Variants in MECOM observed in about 807,000 individuals in gnomAD.
MECOM encodes MDS1 and EVI1 complex locus, also known as histone-lysine N-methyltransferase MECOM.
Under a neutral mutation model 116.3 loss-of-function variants are expected in MECOM, and 13 were observed. The ratio of observed to expected loss-of-function variants is 0.11; its 90% CI spans 0.07 to 0.18. The LOEUF (loss-of-function observed/expected upper bound fraction) is 0.18, where lower values mean the gene tolerates loss of function less well. Ranked by LOEUF, MECOM falls within the 10% of genes least tolerant of loss-of-function variation. The pLI is 1.00. For missense variants in MECOM, 1,299 were observed against 1,509.0 expected, an observed-to-expected ratio of 0.86 and a Z score of 2.31; for synonymous variants, 528 against 535.2, an observed-to-expected ratio of 0.99 and a Z score of 0.19.
chr3:169,510,229 TGG>T (rs1755802710), intron 1 of MECOM, among the ~76,000 whole-genome samples: 1 of 152,106 alleles, frequency 6.6e-6, no homozygotes. Flanking sequence ...ACTCTGTGAT[TGG>T]GATGTGAAGG....
intron 1 of MECOM, among the ~76,000 whole-genome samples, chr3:169,632,491 T>TA (rs991515339): frequency 3.9e-5 from 6 of 152,158 alleles, no homozygotes; most frequent in African/African-American, 1.4e-4. Context: ...CATCTTGAAT[T>TA]AAAAAATAAT....
intron 2 of MECOM, among the ~76,000 whole-genome samples, chr3:169,220,663 C>T (rs904422284): frequency 5.3e-5 from 8 of 151,934 alleles, no homozygotes; most frequent in Non-Finnish European, 8.8e-5. Flanking sequence ...TTAGTAGAGA[C>T]GGGATTTCTC....
chr3:169,427,004 G>A (rs1740823701), intron 1 of MECOM, among the ~76,000 whole-genome samples: 1 of 152,016 alleles, frequency 6.6e-6, no homozygotes, highest in Admixed American at 6.6e-5. Flanking sequence ...TCTACATTCA[G>A]AGCCTATATT....
chr3:169,409,509 C>G (rs553801525), intron 1 of MECOM, among the ~76,000 whole-genome samples: 1 of 152,162 alleles, frequency 6.6e-6, no homozygotes, highest in African/African-American at 2.4e-5. Flanking sequence ...AGCCCCAAAC[C>G]ACAGGTGAGT....
At chr3:169,433,546 AAAAG>A (rs201533927) in intron 1 of MECOM, among the ~76,000 whole-genome samples, 3,418 of 150,070 alleles carry the variant, frequency 0.023, 137 homozygotes, top group African/African-American at 0.081. Context: ...TGAAAGAAAG[AAAAG>A]AAAGAAAGAG....
Position 169,391,690 on chromosome 3 carries a change from GA to G in MECOM, c.38-10167del, listed in dbSNP as rs534204246. 2.5e-3 allele frequency among the ~76,000 whole-genome samples: 380 copies of G among 152,238 alleles called. 4 individuals are homozygous for G. The highest frequency in any genetic ancestry group is 8.8e-3 in the African/African-American group (366 of 41,536). On this transcript the variant is annotated intron_variant, in intron 1 of 16. Coordinates refer to ENST00000651503, the MANE Select transcript of MECOM (RefSeq NM_004991.4). Reference sequence around the variant, plus strand: ...ACACCAAATAGCACTTATAATTTGAGAGGGGGTAATTTCAACATTGCTAAGT... The same window carrying G: ...ACACCAAATAGCACTTATAATTTGAGGGGGGTAATTTCAACATTGCTAAGT...
At chr3:169,307,058 T>A (rs1717849678) in intron 2 of MECOM, among the ~76,000 whole-genome samples, 1 of 152,210 alleles carries the variant, frequency 6.6e-6, no homozygotes, top group Non-Finnish European at 1.5e-5. Flanking sequence ...AAATTTCAGA[T>A]TTATCCATTC....
intron 1 of MECOM, among the ~76,000 whole-genome samples, chr3:169,384,838 C>T (rs1733034134): frequency 6.6e-6 from 1 of 152,078 alleles, no homozygotes; most frequent in Admixed American, 6.5e-5. Context: ...TGTGGTGGCT[C>T]CAGCCTGTAA....
In MECOM at chr3:169,149,933, CTCTGTG is replaced by C. The variant is rs1238012323; in HGVS notation, c.376-6107_376-6102del. The stretch of plus-strand genomic sequence containing the variant: ...TAAATCTTAATCTCTCTTTCTCTCT[CTCTGTG>C]TGTGTGTGTGTGTGTGTGTGTGTGT... On this transcript the variant is annotated intron_variant, in intron 2 of 16. Coordinates refer to ENST00000651503, the MANE Select transcript of MECOM (RefSeq NM_004991.4). Among the ~76,000 whole-genome samples, 706 of 116,128 alleles carry C rather than the reference CTCTGTG, an allele frequency of 6.1e-3. 3 individuals are homozygous for C. Among genetic ancestry groups the C allele is most frequent in the East Asian group, 0.044 (170 of 3,842 alleles). The allele number at this position is 116,128 out of a possible 152,430, so 76.2% of individuals were successfully genotyped here.
intron 2 of MECOM, among the ~76,000 whole-genome samples, chr3:169,154,013 T>A (rs1200530122): frequency 1.3e-5 from 2 of 152,192 alleles, no homozygotes; most frequent in African/African-American, 4.8e-5. Flanking sequence ...TCAGTTGCCC[T>A]AATCCTTACC....
At chr3:169,162,950 T>TATTTC (rs1274158625) in intron 2 of MECOM, among the ~76,000 whole-genome samples, 3 of 152,198 alleles carry the variant, frequency 2.0e-5, no homozygotes, top group Non-Finnish European at 4.4e-5. Context: ...AGAAATATTT[T>TATTTC]ATTTCAGATA....
intron 1 of MECOM, among the ~76,000 whole-genome samples, chr3:169,637,187 C>T (rs959085922): frequency 6.6e-6 from 1 of 152,128 alleles, no homozygotes; most frequent in African/African-American, 2.4e-5. Flanking sequence ...CTCTGACAGC[C>T]AGTAGCAAGC....
intron 2 of MECOM, among the ~76,000 whole-genome samples, chr3:169,302,746 C>A (rs1431630032): frequency 1.3e-5 from 2 of 152,050 alleles, no homozygotes; most frequent in East Asian, 3.9e-4. Context: ...CACCTGTAAT[C>A]CCAGCTACTC....
intron 2 of MECOM, among the ~76,000 whole-genome samples, chr3:169,234,310 G>GA (rs144630925): frequency 1.6e-4 from 24 of 151,464 alleles, no homozygotes; most frequent in Admixed American, 1.1e-3. Flanking sequence ...TTCTTTGATT[G>GA]AAAAAAATCA....
At chr3:169,481,916 A>G (rs1751348930) in intron 1 of MECOM, among the ~76,000 whole-genome samples, 1 of 152,214 alleles carries the variant, frequency 6.6e-6, no homozygotes. Context: ...CTGGGCACTG[A>G]TAGTTTTCAT....
chr3:169,653,203 G>A (rs1775127176), intron 1 of MECOM, among the ~76,000 whole-genome samples: 4 of 152,110 alleles, frequency 2.6e-5, no homozygotes, highest in Admixed American at 2.6e-4. Flanking sequence ...TAACTGCACA[G>A]GTTTTACAGC....
At chr3:169,521,098 G>A (rs983753241) in intron 1 of MECOM, among the ~76,000 whole-genome samples, 1 of 152,196 alleles carries the variant, frequency 6.6e-6, no homozygotes, top group Non-Finnish European at 1.5e-5. Flanking sequence ...GAGAAGATAG[G>A]TGAGGCTGGA....
chr3:169,564,118 GA>G (rs1276784378), intron 1 of MECOM, among the ~76,000 whole-genome samples: 1 of 152,156 alleles, frequency 6.6e-6, no homozygotes, highest in Non-Finnish European at 1.5e-5. Flanking sequence ...AAAAATTGAA[GA>G]AAAGGTGTAG....
At chr3:169,657,605 A>G (rs908736427) in intron 1 of MECOM, among the ~76,000 whole-genome samples, 3 of 152,226 alleles carry the variant, frequency 2.0e-5, no homozygotes, top group Admixed American at 2.0e-4. Flanking sequence ...CCATTGGACA[A>G]GGAATTCAGG....
Sources: gnomAD v4.1 joint callset for allele counts (sites outside exome capture counted in the v4.1 genomes callset) on GRCh38, gnomAD v4.1.1 for gene constraint, MANE v1.5 for transcripts, NCBI Gene and HGNC (gene_info 2026-07-23, HGNC 2026-07-21) for gene names.